SCIN: variants seen among roughly 807,000 people sequenced by gnomAD.
SCIN encodes the protein scinderin, also known as adseverin.
SCIN carries 91 observed loss-of-function variants against 91.8 expected under a neutral mutation model. The ratio of observed to expected loss-of-function variants is 0.99; its 90% CI spans 0.84 to 1.18. The LOEUF is 1.18. Among genes scored for constraint, SCIN ranks in the 50% most tolerant of loss-of-function variants. The probability of loss-of-function intolerance (pLI) is 0.00; values close to 1 mark genes in which losing one functional copy is unlikely to be tolerated. For synonymous variants in SCIN, 367 were observed against 312.6 expected, an observed-to-expected ratio of 1.17 and a Z score of -1.84; for missense variants, 1,087 against 863.9, an observed-to-expected ratio of 1.26 and a Z score of -3.24.
In SCIN at chr7:12,652,627, A is replaced by G; in HGVS notation, c.2060A>G (p.Lys687Arg). The G allele has an allele frequency of 1.2e-6, 2 of 1,613,068 alleles. No homozygotes were observed. Among genetic ancestry groups the G allele is most frequent in the Non-Finnish European group, 1.7e-6 (2 of 1,179,572 alleles). ...YLETDPSGRD[K>R]RTPIVIIKQG... is the part of the protein sequence containing the mutation. ...GAGACAGACCCTTCTGGAAGAGACA[A>G]GAGGACACCAATTGTCATCATAAAA... The change falls in exon 16 of 16, where the codon AAG becomes AGG. Residue 687 changes from lysine to arginine, a missense_variant. Coordinates refer to ENST00000297029, the MANE Select transcript of SCIN (RefSeq NM_001112706.3).
Position 12,652,618 on chromosome 7 carries a change from G to C in SCIN, c.2051G>C (p.Gly684Ala), listed in dbSNP as rs754361837. 2.5e-6 allele frequency: 4 copies of C among 1,612,826 alleles called. No homozygotes were observed. The highest frequency in any genetic ancestry group is 2.5e-6 in the Non-Finnish European group (3 of 1,179,460). The change falls in exon 16 of 16, where the codon GGA (glycine) becomes GCA (alanine). Residue 684 changes from glycine to alanine, a missense_variant. By Grantham distance (60) the Gly-to-Ala change is moderately conservative (BLOSUM62 0). Transcript: ENST00000297029. Reference sequence around the variant, plus strand: ...ATGTACCTTGAGACAGACCCTTCTGGAAGAGACAAGAGGACACCAATTGTC... The same window carrying C: ...ATGTACCTTGAGACAGACCCTTCTGCAAGAGACAAGAGGACACCAATTGTC... The part of the protein sequence containing the change: ...AKMYLETDPS[G>A]RDKRTPIVII...
chr7:12,582,505 C>G (rs553609802), intron 3 of SCIN, among the ~76,000 whole-genome samples: 3 of 152,288 alleles, frequency 2.0e-5, no homozygotes, highest in East Asian at 3.9e-4. Flanking sequence ...TGTCTTGGAT[C>G]ATACCAGCTT....
chr7:12,657,538 G>GTATATATATATATATATATA lies in SCIN; in HGVS notation c.*4839_*4858dup, dbSNP rs1174371206. ...ATTTTTAAGTTTTATATATGTGTGT[G>GTATATATATATATATATATA]TATATATATATATATATATATATAT... On this transcript the variant is annotated 3_prime_UTR_variant, in exon 16 of 16. Coordinates refer to ENST00000297029, the MANE Select transcript of SCIN (RefSeq NM_001112706.3). The GTATATATATATATATATATA allele has an allele frequency of 7.2e-5, 2 of 27,642 alleles. No homozygotes were observed. Among genetic ancestry groups the GTATATATATATATATATATA allele is most frequent in the African/African-American group, 1.5e-4 (2 of 12,904 alleles). The allele number at this position is 27,642 out of a possible 1,614,324, so 1.7% of individuals were successfully genotyped here. A position where few individuals can be genotyped will look rare whatever the true frequency, so the allele number is the denominator to read the frequency against.
Position 12,651,730 on chromosome 7 carries a change from G to A in SCIN, c.1960-111G>A, listed in dbSNP as rs572835686. 65 of 680,648 alleles carry A rather than the reference G, an allele frequency of 9.5e-5. No individual in the cohort carries two copies. Among genetic ancestry groups the A allele is most frequent in the East Asian group, 4.9e-4 (17 of 34,724 alleles). The allele number at this position is 680,648 out of a possible 1,614,324, so 42.2% of individuals were successfully genotyped here. On this transcript the variant is annotated intron_variant, in intron 14 of 15. Coordinates refer to ENST00000297029, the MANE Select transcript of SCIN (RefSeq NM_001112706.3). This position sits in a 1 kb window ranked among gnomAD's most constrained non-coding sequence, Gnocchi z 5.9. Reference sequence around the variant, plus strand: ...CCACCTCCACGTCCCTAACTTCTGCGGATATTGTGAAGATTGAATGAGCAA... The same window carrying A: ...CCACCTCCACGTCCCTAACTTCTGCAGATATTGTGAAGATTGAATGAGCAA...
intron 4 of SCIN, among the ~76,000 whole-genome samples, chr7:12,611,858 G>T (rs1029696650): frequency 6.6e-5 from 10 of 151,820 alleles, no homozygotes; most frequent in African/African-American, 2.4e-4. Context: ...GATGCTGTGA[G>T]CTATGATCAT....
chr7:12,622,748 C>T, intron 4 of SCIN, 53 bp from the exon 5 acceptor site: 1 of 1,207,372 alleles, frequency 8.3e-7, no homozygotes, highest in Non-Finnish European at 1.2e-6. Context: ...TCTAACTCTG[C>T]ATCCTTCAAT....
intron 13 of SCIN, among the ~76,000 whole-genome samples, chr7:12,646,116 G>C (rs1230882235): frequency 6.6e-6 from 1 of 152,194 alleles, no homozygotes; most frequent in East Asian, 1.9e-4. Flanking sequence ...GATATCAACA[G>C]GAATGTTTTA....
intron 3 of SCIN, among the ~76,000 whole-genome samples, chr7:12,604,033 T>C (rs1783019726): frequency 6.6e-6 from 1 of 152,082 alleles, no homozygotes; most frequent in Non-Finnish European, 1.5e-5. Flanking sequence ...ATATTAATTA[T>C]CTTGATTCAG....
chr7:12,575,554 A>C (rs1562592127), intron 1 of SCIN, among the ~76,000 whole-genome samples: 2 of 152,098 alleles, frequency 1.3e-5, no homozygotes, highest in African/African-American at 4.8e-5. Flanking sequence ...TTATTTTATC[A>C]TGAATGGCTG....
At chr7:12,623,041 C>G in intron 5 of SCIN, 148 bp downstream of exon 5, 1 of 514,468 alleles carries the variant, frequency 1.9e-6, no homozygotes, top group Non-Finnish European at 3.5e-6. Context: ...GTTCTTTGCT[C>G]TTGTATGTTT....
At chr7:12,640,550 G>C (rs1243624559) in intron 11 of SCIN, 33 bp downstream of exon 11, 9 of 1,545,644 alleles carry the variant, frequency 5.8e-6, no homozygotes, top group Non-Finnish European at 7.8e-6. Flanking sequence ...ACATGCCCTA[G>C]TTATGGACTT....
rs1032678381 is a variant in SCIN at position 12,654,588 on chromosome 7, A to G, written c.*1873A>G. 4 of 152,184 alleles carry G rather than the reference A, an allele frequency of 2.6e-5. No individual in the cohort carries two copies. The highest frequency in any genetic ancestry group is 4.1e-4 in the South Asian group (2 of 4,826). 9.4% of individuals were successfully genotyped at this position (152,184 alleles called of 1,614,324 possible). A position where few individuals can be genotyped will look rare whatever the true frequency, so the allele number is the denominator to read the frequency against. On this transcript the variant is annotated 3_prime_UTR_variant, in exon 16 of 16. Coordinates refer to ENST00000297029, the MANE Select transcript of SCIN (RefSeq NM_001112706.3). ...GGTCAAGCTGAATATTTTTTGAAGG[A>G]TGATGAGAATAAAATGATTTAATAA...
chr7:12,596,215 A>C lies in SCIN; in HGVS notation c.517-8299A>C, dbSNP rs1042799762. Reference sequence around the variant, plus strand: ...TTACCCTTGGGAGGTGAGAATATGCAGTGTGTCTAGGAAGTCGTACACATG... The same window carrying C: ...TTACCCTTGGGAGGTGAGAATATGCCGTGTGTCTAGGAAGTCGTACACATG... On this transcript the variant is annotated intron_variant, in intron 3 of 15. Transcript: ENST00000297029. 6 of 373,564 alleles carry C rather than the reference A, an allele frequency of 1.6e-5. No individual in the cohort carries two copies. In the Admixed American group the frequency reaches 1.9e-4, roughly 12 times the overall value. The allele number at this position is 373,564 out of a possible 1,614,324, so 23.1% of individuals were successfully genotyped here.
chr7:12,629,400 A>ACC (rs944510104), intron 9 of SCIN, among the ~76,000 whole-genome samples, 178 bp downstream of exon 9: 2 of 152,012 alleles, frequency 1.3e-5, no homozygotes, highest in African/African-American at 4.8e-5. Flanking sequence ...GTTGCCATCC[A>ACC]CAGGCAGCAG....
In SCIN at chr7:12,636,090, CCTG is replaced by C; in HGVS notation, c.1366_1368del (p.Leu456del). On this transcript the variant is annotated inframe_deletion, in exon 10 of 16. Transcript: ENST00000297029. ...GAGATGAGCTGACAACATCTGCGTT[CCTG>C]ACTGTTCAGTTGGATCGGTCCCTTG... 6.2e-7 allele frequency: 1 copy of C among 1,613,186 alleles called. No individual in the cohort carries two copies. Among genetic ancestry groups the C allele is most frequent in the Non-Finnish European group, 8.5e-7 (1 of 1,179,670 alleles).
rs1018609163 is a variant in SCIN at position 12,653,925 on chromosome 7, T to C, written c.*1210T>C. On this transcript the variant is annotated 3_prime_UTR_variant, in exon 16 of 16. Coordinates refer to ENST00000297029, the MANE Select transcript of SCIN (RefSeq NM_001112706.3). The surrounding 1 kb of genome is among the most constrained non-coding windows in gnomAD (Gnocchi z 4.1). ...TTCCATTCCATTCTATTCTATTCTA[T>C]TATTTCATTCTATTTTATTTCCAAT... 2.6e-5 allele frequency: 4 copies of C among 152,198 alleles called. No homozygotes were observed. The highest frequency in any genetic ancestry group is 4.4e-5 in the Non-Finnish European group (3 of 68,014). 9.4% of individuals were successfully genotyped at this position (152,198 alleles called of 1,614,324 possible). A position where few individuals can be genotyped will look rare whatever the true frequency, so the allele number is the denominator to read the frequency against.
chr7:12,625,175 G>C, intron 6 of SCIN, 33 bp downstream of exon 6: 1 of 1,570,062 alleles, frequency 6.4e-7, no homozygotes, highest in South Asian at 1.2e-5. Flanking sequence ...CTGTATTTCA[G>C]ATTTATAGAT....
At chr7:12,614,927 G>A (rs1783268210) in intron 4 of SCIN, among the ~76,000 whole-genome samples, 1 of 152,180 alleles carries the variant, frequency 6.6e-6, no homozygotes, top group African/African-American at 2.4e-5. Context: ...AGATCAAGGT[G>A]ATATGGGCAG....
At chr7:12,617,693 A>C (rs1583302283) in intron 4 of SCIN, among the ~76,000 whole-genome samples, 1 of 152,180 alleles carries the variant, frequency 6.6e-6, no homozygotes, top group Non-Finnish European at 1.5e-5. Context: ...TAGATAAACC[A>C]GGCTAGCAAA....
Sources: allele counts gnomAD v4.1 joint callset (sites outside exome capture counted in the v4.1 genomes callset), GRCh38; gene constraint gnomAD v4.1.1; non-coding constraint Gnocchi (gnomAD v3.1); transcripts MANE v1.5; gene names NCBI Gene and HGNC (gene_info 2026-07-23, HGNC 2026-07-21).